The following RBMS3 variants were observed in gnomAD, a reference collection of about 807,000 sequenced individuals.
RBMS3 encodes RNA binding motif single stranded interacting protein 3, also known as RNA-binding motif, single-stranded-interacting protein 3.
Under a neutral mutation model 66.8 loss-of-function variants are expected in RBMS3, and 27 were observed. The observed-to-expected ratio is 0.40, with a 90% confidence interval of 0.30 to 0.56. The LOEUF (loss-of-function observed/expected upper bound fraction) is 0.56, where lower values mean the gene tolerates loss of function less well. Among genes scored for constraint, RBMS3 ranks in the 20% least tolerant of loss-of-function variants. The pLI, the probability that RBMS3 is intolerant of heterozygous loss-of-function variation, is 0.40. For synonymous variants in RBMS3, 188 were observed against 183.0 expected (o/e 1.03, Z -0.22); for missense variants, 513 against 549.5 (o/e 0.93, Z 0.66).
intron 4 of RBMS3, among the ~76,000 whole-genome samples, chr3:29,638,539 T>C (rs1210010125): frequency 1.3e-5 from 2 of 151,920 alleles, no homozygotes; most frequent in African/African-American, 4.8e-5. Flanking sequence ...CACCATCTTC[T>C]GTTACTTGGC....
At chr3:29,363,283 C>T (rs2037710719) in intron 1 of RBMS3, among the ~76,000 whole-genome samples, 2 of 152,092 alleles carry the variant, frequency 1.3e-5, no homozygotes, top group South Asian at 2.1e-4. Flanking sequence ...TAGATTGTTC[C>T]TTATTTTTGT....
At position 29,545,761 on chromosome 3, in the gene RBMS3, T is replaced by C. The variant is rs543287931; in HGVS notation, c.308-41353T>C. On this transcript the variant is annotated intron_variant, in intron 3 of 14. Coordinates refer to ENST00000383767, the MANE Select transcript of RBMS3 (RefSeq NM_001003793.3). ...ACTGCCAATTGAGACATTCTGTAGT[T>C]TTTCTCAGATTCAGAGAAGAAAATA... Among the ~76,000 whole-genome samples the C allele has an allele frequency of 2.0e-5, 3 of 152,284 alleles. No homozygotes were observed. The East Asian group carries it at 5.8e-4, about 29-fold the overall frequency.
chr3:29,646,730 C>T (rs1003691744), intron 4 of RBMS3, among the ~76,000 whole-genome samples: 2 of 151,232 alleles, frequency 1.3e-5, no homozygotes, highest in African/African-American at 4.9e-5. Flanking sequence ...CTTCCCTTCC[C>T]TGTCTCCTAT....
intron 1 of RBMS3, among the ~76,000 whole-genome samples, chr3:29,399,952 G>A (rs1417553260): frequency 1.3e-5 from 2 of 151,976 alleles, no homozygotes; most frequent in East Asian, 1.9e-4. Context: ...AAACTGTAGG[G>A]ATCAAATTCT....
intron 1 of RBMS3, among the ~76,000 whole-genome samples, chr3:29,372,091 T>G (rs1450156666): frequency 6.6e-6 from 1 of 152,128 alleles, no homozygotes; most frequent in Non-Finnish European, 1.5e-5. Context: ...GAAGTGCACA[T>G]AAGCTTCCAA....
intron 6 of RBMS3, among the ~76,000 whole-genome samples, chr3:29,834,110 G>C (rs1183059744): frequency 6.6e-6 from 1 of 151,992 alleles, no homozygotes. Context: ...CAGAAATCGA[G>C]AGATAAAGAC....
intron 1 of RBMS3, among the ~76,000 whole-genome samples, chr3:29,297,783 G>T (rs1255933355): frequency 1.3e-5 from 2 of 151,808 alleles, no homozygotes; most frequent in Admixed American, 6.6e-5. Context: ...GGGGAGAAAA[G>T]GTGTCATTTT....
intron 4 of RBMS3, among the ~76,000 whole-genome samples, chr3:29,735,539 A>G (rs936203575): frequency 6.6e-6 from 1 of 152,188 alleles, no homozygotes; most frequent in Non-Finnish European, 1.5e-5. Context: ...ATATACTTTT[A>G]CAATCTAATA....
intron 4 of RBMS3, among the ~76,000 whole-genome samples, chr3:29,659,324 T>C (rs558734885): frequency 2.6e-5 from 4 of 152,282 alleles, no homozygotes; most frequent in Non-Finnish European, 5.9e-5. Context: ...ACACTATTTA[T>C]ATCTAGAGCC....
At chr3:29,693,701 C>T (rs1184950783) in intron 4 of RBMS3, among the ~76,000 whole-genome samples, 1 of 151,948 alleles carries the variant, frequency 6.6e-6, no homozygotes, top group African/African-American at 2.4e-5. Context: ...GTGCCCTTCT[C>T]GGTAGAGAAA....
At chr3:29,500,195 G>A (rs1051868434) in intron 3 of RBMS3, among the ~76,000 whole-genome samples, 6 of 150,830 alleles carry the variant, frequency 4.0e-5, no homozygotes, top group African/African-American at 1.5e-4. Flanking sequence ...GAATGACGAG[G>A]GGTTCAAAGT....
At chr3:29,605,315 G>T (rs2048286938) in intron 4 of RBMS3, among the ~76,000 whole-genome samples, 1 of 151,842 alleles carries the variant, frequency 6.6e-6, no homozygotes, top group Non-Finnish European at 1.5e-5. Flanking sequence ...GCAGAAGGTT[G>T]TATACGCTGT....
intron 4 of RBMS3, among the ~76,000 whole-genome samples, chr3:29,658,559 G>A (rs527968015): frequency 2.6e-5 from 4 of 152,298 alleles, no homozygotes; most frequent in African/African-American, 9.6e-5. Context: ...GGCAAATGAT[G>A]AGAAGGAAAA....
At chr3:29,751,481 A>G (rs1162829935) in intron 5 of RBMS3, among the ~76,000 whole-genome samples, 1 of 152,232 alleles carries the variant, frequency 6.6e-6, no homozygotes, top group African/African-American at 2.4e-5. Flanking sequence ...TTAGAAAAAC[A>G]TATAAATAAT....
In RBMS3 at chr3:29,443,857, T is replaced by G. The variant is rs142667979; in HGVS notation, c.248+8942T>G. Among the ~76,000 whole-genome samples, 15 of 152,232 alleles carry G rather than the reference T, an allele frequency of 9.9e-5. No individual in the cohort carries two copies. The East Asian group carries it at 2.7e-3, about 27-fold the overall frequency. On this transcript the variant is annotated intron_variant, in intron 2 of 14. Coordinates refer to ENST00000383767, the MANE Select transcript of RBMS3 (RefSeq NM_001003793.3). ...CATGAATGGCATATGACAAAAGGGT[T>G]AAGAGAAAGAGAAATTAGGGATAAC...
intron 14 of RBMS3, among the ~76,000 whole-genome samples, chr3:30,000,799 A>T (rs1699567172): frequency 6.6e-6 from 1 of 152,136 alleles, no homozygotes; most frequent in Admixed American, 6.5e-5. Flanking sequence ...CAGAAAACCA[A>T]ACACTGCATA....
intron 10 of RBMS3, among the ~76,000 whole-genome samples, chr3:29,923,076 C>T (rs1868488): frequency 2.6e-5 from 4 of 152,138 alleles, no homozygotes; most frequent in Non-Finnish European, 5.9e-5. Flanking sequence ...ACTCGATGAC[C>T]TGTGAGGGTT....
At chr3:29,672,515 C>T (rs141597923) in intron 4 of RBMS3, among the ~76,000 whole-genome samples, 2,133 of 152,226 alleles carry the variant, frequency 0.014, 30 homozygotes, top group Non-Finnish European at 0.02. Context: ...AGTCAAGACA[C>T]ATCAGTGTGC....
chr3:29,617,554 C>T (rs1170414393), intron 4 of RBMS3, among the ~76,000 whole-genome samples: 1 of 152,112 alleles, frequency 6.6e-6, no homozygotes, highest in Non-Finnish European at 1.5e-5. Context: ...AGTATTAGCT[C>T]CAATCTTGAA....
Sources: allele counts gnomAD v4.1 joint callset (sites outside exome capture counted in the v4.1 genomes callset), GRCh38; gene constraint gnomAD v4.1.1; transcripts MANE v1.5; gene names NCBI Gene and HGNC (gene_info 2026-07-23, HGNC 2026-07-21).